Variants in ACO1 observed in about 807,000 individuals in gnomAD.
The protein encoded by ACO1 is cytoplasmic aconitate hydratase.
In ACO1, 78 loss-of-function variants were observed where a neutral mutation model predicts 105.1. The observed-to-expected ratio is 0.74, with a 90% confidence interval of 0.62 to 0.90. The LOEUF (loss-of-function observed/expected upper bound fraction) is 0.90, where lower values mean the gene tolerates loss of function less well. Ranked by LOEUF, ACO1 falls within the 40% of genes least tolerant of loss-of-function variation. ACO1 has a pLI of 0.00. For missense variants in ACO1, 965 were observed against 1,111.1 expected (o/e 0.87, Z 1.87); for synonymous variants, 364 against 397.4 (o/e 0.92, Z 1.00).
intron 11 of ACO1, 30 bp downstream of exon 11, chr9:32,426,027 C>T (rs1215196037): frequency 1.9e-6 from 3 of 1,606,726 alleles, no homozygotes; most frequent in Admixed American, 1.7e-5. Context: ...TCCTCATGGT[C>T]ATACATGTGT....
chr9:32,442,613 C>A (rs535324064), intron 19 of ACO1, among the ~76,000 whole-genome samples: 2 of 152,258 alleles, frequency 1.3e-5, no homozygotes, highest in East Asian at 3.9e-4. Context: ...AAGCAGTACA[C>A]AAGAGGTAAT....
chr9:32,440,697 C>T (rs944085600), intron 19 of ACO1, 110 bp downstream of exon 19: 4 of 1,405,102 alleles, frequency 2.8e-6, no homozygotes, highest in South Asian at 2.8e-5. Flanking sequence ...GAAGAGCAAG[C>T]TCAAAAAAGC....
chr9:32,429,489 G>A lies in ACO1; in HGVS notation c.1555G>A (p.Glu519Lys). The A allele has an allele frequency of 6.2e-7, 1 of 1,614,136 alleles. No individual in the cohort carries two copies. Among genetic ancestry groups the A allele is most frequent in the Non-Finnish European group, 8.5e-7 (1 of 1,179,972 alleles). ...NSGPLPEPVV[E>K]AITQGDLVAV... is the part of the protein sequence containing the mutation. ...TGGGCCTTTACCTGAACCTGTGGTA[G>A]AAGCCATCACACAGGTAATTGCAGA... Residue 519 changes from glutamate to lysine, a missense_variant, in exon 13 of 21, where the codon GAA becomes AAA. Transcript: ENST00000309951.
chr9:32,412,690 C>G (rs1267212613), intron 4 of ACO1, among the ~76,000 whole-genome samples: 2 of 152,176 alleles, frequency 1.3e-5, no homozygotes. Flanking sequence ...CCCAACCTTC[C>G]TTTTTTCCTA....
At chr9:32,406,025 T>C (rs1350474572) in intron 2 of ACO1, among the ~76,000 whole-genome samples, 1 of 152,226 alleles carries the variant, frequency 6.6e-6, no homozygotes, top group Non-Finnish European at 1.5e-5. Context: ...TTGCACTGTC[T>C]TTTCCAGATA....
At chr9:32,410,335 G>C (rs1257807054) in intron 4 of ACO1, among the ~76,000 whole-genome samples, 1 of 152,076 alleles carries the variant, frequency 6.6e-6, no homozygotes, top group Non-Finnish European at 1.5e-5. Context: ...GAGGTGGGCG[G>C]ATCACAAGGT....
Position 32,440,518 on chromosome 9 carries a change from C to G in ACO1, c.2301C>G (p.Ile767Met), listed in dbSNP as rs374624250. Reference sequence around the variant, plus strand: ...ACCAGCAGGCAGGCCTTCCCCTGATCGTTCTGGCTGGCAAAGAGTACGGTG... The same window carrying G: ...ACCAGCAGGCAGGCCTTCCCCTGATGGTTCTGGCTGGCAAAGAGTACGGTG... ...ERYQQAGLPL[I>M]VLAGKEYGAG... is the part of the protein sequence containing the mutation. The change falls in exon 19 of 21, where the codon ATC becomes ATG. Residue 767 changes from isoleucine (I) to methionine (M), a missense_variant. Transcript: ENST00000309951. 1 of 1,613,860 alleles carries G rather than the reference C, an allele frequency of 6.2e-7. No individual in the cohort carries two copies. Among genetic ancestry groups the G allele is most frequent in the Non-Finnish European group, 8.5e-7 (1 of 1,179,946 alleles).
chr9:32,431,652 T>A, intron 14 of ACO1, 67 bp from the exon 15 acceptor site: 1 of 1,573,900 alleles, frequency 6.4e-7, no homozygotes, highest in Non-Finnish European at 8.7e-7. Flanking sequence ...GAACGAGGCT[T>A]GACTCTGTAT....
intron 4 of ACO1, among the ~76,000 whole-genome samples, chr9:32,416,220 G>A (rs955191523): frequency 4.6e-5 from 7 of 151,244 alleles, no homozygotes; most frequent in African/African-American, 7.3e-5. Flanking sequence ...TCAGCCTCTC[G>A]AGTAGCTGGG....
At chr9:32,425,175 G>A (rs1250958760) in intron 10 of ACO1, among the ~76,000 whole-genome samples, 1 of 152,148 alleles carries the variant, frequency 6.6e-6, no homozygotes, top group African/African-American at 2.4e-5. Flanking sequence ...TTATTTGCAT[G>A]TATGATTTCT....
Position 32,409,352 on chromosome 9 carries a change from G to T in ACO1, c.404+701G>T, listed in dbSNP as rs72561748. 4.3e-3 allele frequency among the ~76,000 whole-genome samples: 649 copies of T among 152,230 alleles called. 1 individual carries two copies. The highest frequency in any genetic ancestry group is 0.01 in the Middle Eastern group (3 of 294). ...ATGCAAGAGCTGAGCAGATAAATAG[G>T]CATTTAATATCCTAAATTGAGTGAC... On this transcript the variant is annotated intron_variant, in intron 4 of 20. Transcript: ENST00000309951.
At chr9:32,417,345 T>C (rs572190315) in intron 4 of ACO1, among the ~76,000 whole-genome samples, 2 of 152,338 alleles carry the variant, frequency 1.3e-5, no homozygotes, top group Admixed American at 1.3e-4. Flanking sequence ...ATTAATGAAG[T>C]CTGACTTTGG....
chr9:32,405,362 C>G (rs1821586834), intron 1 of ACO1, 123 bp from the exon 2 acceptor site: 2 of 628,688 alleles, frequency 3.2e-6, no homozygotes, highest in Non-Finnish European at 5.7e-6. Flanking sequence ...TCAGTGTGTA[C>G]ATAGTTAAAA....
rs137956862 is a variant in ACO1, at chr9:32,395,046, A to G, written c.-23+10311A>G. On this transcript the variant is annotated intron_variant, in intron 1 of 20. Transcript: ENST00000309951. ...GTTTGAGTTAGAAAAGTTCATTGCC[A>G]CAATCTGCGAAATGAGTTCAGGAGC... 5.2e-3 allele frequency among the ~76,000 whole-genome samples: 792 copies of G among 152,338 alleles called. 9 individuals carry two copies. Among genetic ancestry groups the G allele is most frequent in the African/African-American group, 0.018 (746 of 41,570 alleles).
At position 32,408,593 on chromosome 9, in the gene ACO1, C is replaced by A. The variant is rs536277060; in HGVS notation, c.346C>A (p.Pro116Thr). The change falls in exon 4 of 21, where the codon CCT becomes ACT. Residue 116 changes from proline to threonine, a missense_variant. Physicochemically the swap from Pro to Thr is conservative, Grantham distance 38 (BLOSUM62 -1). Coordinates refer to ENST00000309951, the MANE Select transcript of ACO1 (RefSeq NM_002197.3). ...AGGAGGAGATCCAGAGAAAATAAAC[C>A]CTGTCTGCCCTGCTGATCTTGTAAT... is the stretch of plus-strand genomic sequence containing the variant. ...KLGGDPEKIN[P>T]VCPADLVIDH... 12 of 1,614,108 alleles carry A rather than the reference C, an allele frequency of 7.4e-6. No individual in the cohort carries two copies. Among genetic ancestry groups the A allele is most frequent in the Non-Finnish European group, 1.0e-5 (12 of 1,180,018 alleles).
chr9:32,392,186 A>G (rs1478913442), intron 1 of ACO1, among the ~76,000 whole-genome samples: 1 of 152,160 alleles, frequency 6.6e-6, no homozygotes, highest in Non-Finnish European at 1.5e-5. Flanking sequence ...AATATGTTAA[A>G]TGACTGTAAA....
In ACO1 at chr9:32,439,004, G is replaced by A. The variant is rs1052111963; in HGVS notation, c.2248-1461G>A. ...AATGCTATGTTCTCTTTAGAAGAGC[G>A]TAAGAGTGCAGGGAGCTGTTGCTTT... On this transcript the variant is annotated intron_variant, in intron 18 of 20. Transcript: ENST00000309951. The surrounding 1 kb of genome is among the most constrained non-coding windows in gnomAD (Gnocchi z 4.0). Among the ~76,000 whole-genome samples, 5 of 152,228 alleles carry A rather than the reference G, an allele frequency of 3.3e-5. No homozygotes were observed. Among genetic ancestry groups the A allele is most frequent in the Non-Finnish European group, 4.4e-5 (3 of 68,038 alleles).
At chr9:32,418,918 A>G in intron 6 of ACO1, 120 bp from the exon 7 acceptor site, 1 of 1,220,400 alleles carries the variant, frequency 8.2e-7, no homozygotes, top group Non-Finnish European at 1.1e-6. Flanking sequence ...TAGAAACATG[A>G]CTCTGCACCA....
At chr9:32,396,703 A>ATATT (rs1382655638) in intron 1 of ACO1, among the ~76,000 whole-genome samples, 2 of 152,028 alleles carry the variant, frequency 1.3e-5, no homozygotes, top group East Asian at 1.9e-4. Context: ...CTCTGTTTGT[A>ATATT]TATTTATTTA....
Sources: allele counts gnomAD v4.1 joint callset (sites outside exome capture counted in the v4.1 genomes callset), GRCh38; gene constraint gnomAD v4.1.1; non-coding constraint Gnocchi (gnomAD v3.1); transcripts MANE v1.5; gene names NCBI Gene and HGNC (gene_info 2026-07-23, HGNC 2026-07-21).